CFAP57: variants seen among roughly 807,000 people sequenced by gnomAD.
CFAP57 encodes the protein cilia and flagella associated protein 57.
CFAP57 carries 116 observed loss-of-function variants against 146.8 expected under a neutral mutation model. The ratio of observed to expected loss-of-function variants is 0.79; its 90% CI spans 0.68 to 0.92. The LOEUF is 0.92. CFAP57 is among the 40% of genes least tolerant of loss of function. The probability of loss-of-function intolerance (pLI) is 0.00; values close to 1 mark genes in which losing one functional copy is unlikely to be tolerated. For missense variants in CFAP57, 1,377 were observed against 1,527.2 expected, an observed-to-expected ratio of 0.90 and a Z score of 1.64; for synonymous variants, 518 against 552.8, an observed-to-expected ratio of 0.94 and a Z score of 0.88.
intron 21 of CFAP57, among the ~76,000 whole-genome samples, chr1:43,242,518 A>G (rs1442538699): frequency 3.9e-5 from 6 of 152,242 alleles, no homozygotes; most frequent in Non-Finnish European, 5.9e-5. Context: ...TGAGCTTCCA[A>G]TGGATGCAGC....
At position 43,181,652 on chromosome 1, in the gene CFAP57, C is replaced by T; in HGVS notation, c.276C>T (p.Ile92=). The T allele has an allele frequency of 6.2e-7, 1 of 1,614,250 alleles. No homozygotes were observed. The highest frequency in any genetic ancestry group is 8.5e-7 in the Non-Finnish European group (1 of 1,180,046). Residue 92 remains isoleucine, a synonymous_variant, in exon 3 of 23, where the codon ATC becomes ATT. Transcript: ENST00000372492. ...TCACCATTTATGAATTGTCATCCAT[C>T]CCTTGCCGGAAGCGCAAAGTTCTTA... ...PAITIYELSS[I]PCRKRKVLNN...
At position 43,183,668 on chromosome 1, in the gene CFAP57, G is replaced by A. The variant is rs1448899012; in HGVS notation, c.552G>A (p.Glu184=). The A allele has an allele frequency of 1.2e-6, 2 of 1,614,188 alleles. No homozygotes were observed. The highest frequency in any genetic ancestry group is 2.2e-5 in the South Asian group (2 of 91,084). ...NGMFKLLRFA[E]GTLKQTSFQR... ...TGTTTAAGCTTCTCCGTTTTGCTGA[G>A]GGAACCCTGAAGCAAACCAGCTTTC... Residue 184 remains glutamate, a synonymous_variant, in exon 4 of 23, where the codon GAG becomes GAA. Transcript: ENST00000372492.
intron 11 of CFAP57, among the ~76,000 whole-genome samples, chr1:43,212,271 C>T (rs1644649070): frequency 6.6e-6 from 1 of 152,198 alleles, no homozygotes; most frequent in African/African-American, 2.4e-5. Flanking sequence ...TCTCCATCTG[C>T]CCTTCAGAGT....
In CFAP57 at chr1:43,197,651, T is replaced by C; in HGVS notation, c.1221T>C (p.Cys407=). Residue 407 remains cysteine, a synonymous_variant, in exon 7 of 23, where the codon TGT becomes TGC. Coordinates refer to ENST00000372492, the MANE Select transcript of CFAP57 (RefSeq NM_001378189.1). ...TCIRKPLIAT[C]SLDRSIRLWN... Reference sequence around the variant, plus strand: ...TCCGCAAACCCCTTATAGCCACCTGTTCTCTGGATCGATCCATCCGCCTTT... The same window carrying C: ...TCCGCAAACCCCTTATAGCCACCTGCTCTCTGGATCGATCCATCCGCCTTT... The C allele has an allele frequency of 6.2e-7, 1 of 1,614,182 alleles. No individual in the cohort carries two copies. Among genetic ancestry groups the C allele is most frequent in the Non-Finnish European group, 8.5e-7 (1 of 1,180,038 alleles).
rs747801766 is a variant in CFAP57, at chr1:43,222,163, C to T, written c.2400C>T (p.Leu800=). 2.6e-6 allele frequency: 4 copies of T among 1,548,236 alleles called. No homozygotes were observed. The South Asian group carries it at 3.6e-5, about 14-fold the overall frequency. The change falls in exon 15 of 23, where the codon CTC becomes CTT. Residue 800 remains leucine, a synonymous_variant. Coordinates refer to ENST00000372492, the MANE Select transcript of CFAP57 (RefSeq NM_001378189.1). ...LEYEKYQELQ[L]KSQRMQEEYE... is the part of the protein sequence containing the mutation. ...ATGAGAAGTACCAGGAGCTGCAGCT[C>T]AAGTCCCAGAGGATGCAGGAAGAGT...
At chr1:43,203,449 C>T (rs1053796951) in intron 9 of CFAP57, among the ~76,000 whole-genome samples, 5 of 151,846 alleles carry the variant, frequency 3.3e-5, no homozygotes, top group Non-Finnish European at 5.9e-5. Context: ...TTCATGAGCA[C>T]AGATAGAAAT....
intron 6 of CFAP57, among the ~76,000 whole-genome samples, chr1:43,187,288 T>C (rs1044177166): frequency 1.3e-5 from 2 of 152,144 alleles, no homozygotes; most frequent in Non-Finnish European, 2.9e-5. Context: ...CTATTAAAGA[T>C]AGAGATCATA....
In CFAP57 at chr1:43,241,500, T is replaced by G. The variant is rs1301091461; in HGVS notation, c.3406-1727T>G. On this transcript the variant is annotated intron_variant, in intron 21 of 22. Coordinates refer to ENST00000372492, the MANE Select transcript of CFAP57 (RefSeq NM_001378189.1). The stretch of plus-strand genomic sequence containing the variant: ...ACAGCAGAGGACCGTTTGTCACAGC[T>G]CAGGGAGAACAGTGCTTAAGACCAT... 3.3e-5 allele frequency among the ~76,000 whole-genome samples: 5 copies of G among 152,062 alleles called. No individual in the cohort carries two copies. In the South Asian group the frequency reaches 1.0e-3, roughly 31 times the overall value.
intron 13 of CFAP57, 115 bp downstream of exon 13, chr1:43,219,652 C>A: frequency 3.1e-6 from 4 of 1,295,734 alleles, no homozygotes; most frequent in Non-Finnish European, 4.3e-6. Flanking sequence ...TGAAAATGTC[C>A]AATTTTAAAG....
At position 43,224,153 on chromosome 1, in the gene CFAP57, C is replaced by G; in HGVS notation, c.2814C>G (p.Ile938Met). ...QGVIKSLEKD[I>M]QGLKREIQER... ...TCATTAAGTCTCTGGAGAAGGACAT[C>G]CAAGGCCTCAAGCGAGAGATCCAGG... Residue 938 changes from isoleucine to methionine, a missense_variant, in exon 17 of 23, where the codon ATC (isoleucine) becomes ATG (methionine). Physicochemically the swap from Ile to Met is conservative, Grantham distance 10. Coordinates refer to ENST00000372492, the MANE Select transcript of CFAP57 (RefSeq NM_001378189.1). 1 of 1,550,014 alleles carries G rather than the reference C, an allele frequency of 6.5e-7. No homozygotes were observed. The highest frequency in any genetic ancestry group is 8.7e-7 in the Non-Finnish European group (1 of 1,146,666).
intron 19 of CFAP57, among the ~76,000 whole-genome samples, chr1:43,233,276 G>T (rs997181867): frequency 6.6e-6 from 1 of 152,174 alleles, no homozygotes; most frequent in Non-Finnish European, 1.5e-5. Flanking sequence ...GGATCACGAG[G>T]TCAGGAGTTC....
intron 3 of CFAP57, 42 bp downstream of exon 3, chr1:43,181,892 TA>T (rs1217762538): frequency 6.3e-7 from 1 of 1,598,912 alleles, no homozygotes; most frequent in Non-Finnish European, 8.6e-7. Context: ...TTATAAAAAA[TA>T]GAACTACTTT....
chr1:43,216,379 C>T (rs1415618771), intron 12 of CFAP57, among the ~76,000 whole-genome samples: 1 of 152,170 alleles, frequency 6.6e-6, no homozygotes, highest in Non-Finnish European at 1.5e-5. Flanking sequence ...GCAGGAAAAG[C>T]AAAGAGGGAG....
chr1:43,226,738 G>A (rs370107868), intron 17 of CFAP57, among the ~76,000 whole-genome samples: 8 of 152,192 alleles, frequency 5.3e-5, no homozygotes, highest in Non-Finnish European at 1.0e-4. Flanking sequence ...GGAAAATACC[G>A]CTGTTCACAA....
chr1:43,218,471 G>A (rs1644919729), intron 12 of CFAP57, among the ~76,000 whole-genome samples: 1 of 151,936 alleles, frequency 6.6e-6, no homozygotes, highest in Non-Finnish European at 1.5e-5. Flanking sequence ...AGCCAGGTGT[G>A]GTGGGGCATG....
intron 2 of CFAP57, 90 bp from the exon 3 acceptor site, chr1:43,181,444 A>C: frequency 1.4e-6 from 2 of 1,477,668 alleles, no homozygotes; most frequent in Non-Finnish European, 9.3e-7. Flanking sequence ...ACCACTGTCC[A>C]CTCCAGTGCC....
rs372731177 is a variant in CFAP57, at chr1:43,181,780, A to G, written c.404A>G (p.Tyr135Cys). 13 of 1,614,198 alleles carry G rather than the reference A, an allele frequency of 8.1e-6. No individual in the cohort carries two copies. The highest frequency in any genetic ancestry group is 3.3e-5 in the Admixed American group (2 of 60,030). The change falls in exon 3 of 23, where the codon TAC becomes TGC. Residue 135 changes from tyrosine to cysteine, a missense_variant. Physicochemically the swap from Tyr to Cys is radical, Grantham distance 194. Coordinates refer to ENST00000372492, the MANE Select transcript of CFAP57 (RefSeq NM_001378189.1). ...QTSPPESNLV[Y>C]WLWEKQKVMA... Reference sequence around the variant, plus strand: ...TCACCTCCAGAGTCAAATCTTGTCTACTGGCTGTGGGAAAAACAGAAAGTA... The same window carrying G: ...TCACCTCCAGAGTCAAATCTTGTCTGCTGGCTGTGGGAAAAACAGAAAGTA...
intron 6 of CFAP57, among the ~76,000 whole-genome samples, chr1:43,192,905 C>T (rs1643632335): frequency 6.6e-6 from 1 of 150,974 alleles, no homozygotes; most frequent in Non-Finnish European, 1.5e-5. Flanking sequence ...CCAGCCTGGG[C>T]AACAAGAGTG....
intron 5 of CFAP57, among the ~76,000 whole-genome samples, chr1:43,186,006 G>T (rs1643052639): frequency 6.6e-6 from 1 of 151,942 alleles, no homozygotes; most frequent in South Asian, 2.1e-4. Context: ...TTGAACCCGG[G>T]CAGCAGAGGT....
Sources: gnomAD v4.1 joint callset for allele counts (sites outside exome capture counted in the v4.1 genomes callset) on GRCh38, gnomAD v4.1.1 for gene constraint, MANE v1.5 for transcripts, NCBI Gene and HGNC (gene_info 2026-07-23, HGNC 2026-07-21) for gene names.